Variants in GUCY2C observed in about 807,000 individuals in gnomAD.
GUCY2C encodes the protein guanylyl cyclase C.
In GUCY2C, 118 loss-of-function variants were observed where a neutral mutation model predicts 131.1. The ratio of observed to expected loss-of-function variants is 0.90; its 90% CI spans 0.78 to 1.05. The LOEUF (loss-of-function observed/expected upper bound fraction) is 1.05, where lower values mean the gene tolerates loss of function less well. GUCY2C is among the 50% of genes least tolerant of loss of function. The probability of loss-of-function intolerance (pLI) is 0.00; values close to 1 mark genes in which losing one functional copy is unlikely to be tolerated. For synonymous variants in GUCY2C, 452 were observed against 457.8 expected (o/e 0.99, Z 0.16); for missense variants, 1,161 against 1,304.4 (o/e 0.89, Z 1.69).
At chr12:14,632,354 GT>G (rs1226110538) in intron 19 of GUCY2C, among the ~76,000 whole-genome samples, 1 of 152,112 alleles carries the variant, frequency 6.6e-6, no homozygotes, top group African/African-American at 2.4e-5. Flanking sequence ...GGTTTTTATG[GT>G]TTTAGGTAAA....
intron 1 of GUCY2C, among the ~76,000 whole-genome samples, chr12:14,693,734 A>T (rs1158488165): frequency 2.6e-5 from 4 of 152,218 alleles, no homozygotes. Flanking sequence ...AGAGCTCTCC[A>T]CTTAAATGAT....
rs1565619628 is a variant in GUCY2C at position 14,651,552 on chromosome 12, T to TG, written c.1606-42dup. 3 of 1,029,786 alleles carry TG rather than the reference T, an allele frequency of 2.9e-6. No homozygotes were observed. The Admixed American group carries it at 5.5e-5, about 19-fold the overall frequency. The allele number at this position is 1,029,786 out of a possible 1,614,324, so 63.8% of individuals were successfully genotyped here. ...TGTTTACAAAGCAAATTAGGCAGAATGGGGTGCCAAAGTAAAAATTAATAT... is the reference window on the plus strand; with the variant it reads ...TGTTTACAAAGCAAATTAGGCAGAATGGGGGTGCCAAAGTAAAAATTAATAT... On this transcript the variant is annotated intron_variant, in intron 14 of 26. Transcript: ENST00000261170.
chr12:14,684,118 C>T (rs1948409855), intron 3 of GUCY2C, among the ~76,000 whole-genome samples: 2 of 152,190 alleles, frequency 1.3e-5, no homozygotes, highest in Admixed American at 1.3e-4. Flanking sequence ...TTGGCTGCTT[C>T]TCATGGCATT....
chr12:14,642,826 T>C (rs1339602395), intron 17 of GUCY2C, among the ~76,000 whole-genome samples: 1 of 152,182 alleles, frequency 6.6e-6, no homozygotes, highest in Admixed American at 6.5e-5. Flanking sequence ...ATGCTTGAAA[T>C]GGCTGTGGAT....
chr12:14,654,713 C>T (rs573108612), intron 12 of GUCY2C, among the ~76,000 whole-genome samples: 6 of 152,184 alleles, frequency 3.9e-5, no homozygotes, highest in African/African-American at 1.4e-4. Context: ...GGTTTTGAGG[C>T]AGTGGGGAGG....
chr12:14,647,575 T>C (rs919880219), intron 15 of GUCY2C, among the ~76,000 whole-genome samples: 19 of 152,150 alleles, frequency 1.2e-4, no homozygotes, highest in Non-Finnish European at 2.6e-4. Context: ...GGCTGGCAAA[T>C]TCTTGAATAA....
At chr12:14,644,437 G>A (rs1947472247) in intron 16 of GUCY2C, among the ~76,000 whole-genome samples, 1 of 152,224 alleles carries the variant, frequency 6.6e-6, no homozygotes, top group Admixed American at 6.5e-5. Context: ...GTTAGAGGGT[G>A]TCTCAGCTGA....
Position 14,683,128 on chromosome 12 carries a change from C to G in GUCY2C, c.525G>C (p.Trp175Cys). The G allele has an allele frequency of 6.2e-7, 1 of 1,613,644 alleles. No individual in the cohort carries two copies. The highest frequency in any genetic ancestry group is 8.5e-7 in the Non-Finnish European group (1 of 1,179,662). ...TTTTGAAGGGCAGATCGTTGGTTTT[C>G]CAAAAGTTAACCAAGAAGTACATCA... ...RKLMYFLVNF[W>C]KTNDLPFKTY... The change falls in exon 4 of 27, where the codon TGG (tryptophan) becomes TGC (cysteine). Residue 175 changes from tryptophan to cysteine, a missense_variant. Physicochemically the swap from Trp to Cys is radical, Grantham distance 215. Coordinates refer to ENST00000261170, the MANE Select transcript of GUCY2C (RefSeq NM_004963.4).
chr12:14,624,154 C>T (rs1328408143), intron 21 of GUCY2C, among the ~76,000 whole-genome samples: 1 of 152,008 alleles, frequency 6.6e-6, no homozygotes, highest in African/African-American at 2.4e-5. Flanking sequence ...GAAGAAAAAA[C>T]TTCTGGCCAG....
Position 14,688,037 on chromosome 12 carries a change from A to C in GUCY2C, c.244T>G (p.Phe82Val). 6.2e-7 allele frequency: 1 copy of C among 1,613,504 alleles called. No individual in the cohort carries two copies. Reference sequence around the variant, plus strand: ...TGAATCAGACCATCCGAATACATGAAAGTAGCGTTCACAGTCACATTTAGG... The same window carrying C: ...TGAATCAGACCATCCGAATACATGACAGTAGCGTTCACAGTCACATTTAGG... ...AGLNVTVNATFMYSDGLIHNS... is the reference protein window; with the variant it reads ...AGLNVTVNATVMYSDGLIHNS... Residue 82 changes from phenylalanine (F) to valine (V), a missense_variant, in exon 2 of 27, where the codon TTC becomes GTC. By Grantham distance (50) the Phe-to-Val change is conservative. Coordinates refer to ENST00000261170, the MANE Select transcript of GUCY2C (RefSeq NM_004963.4).
chr12:14,664,113 T>C (rs1300494287), intron 10 of GUCY2C, among the ~76,000 whole-genome samples: 7 of 152,202 alleles, frequency 4.6e-5, no homozygotes, highest in Non-Finnish European at 8.8e-5. Context: ...TTTGTGTTCA[T>C]GGGAAATTTT....
chr12:14,696,145 T>TG (rs1948650760), intron 1 of GUCY2C, 87 bp downstream of exon 1: 15 of 1,029,348 alleles, frequency 1.5e-5, no homozygotes, highest in Non-Finnish European at 2.1e-5. Flanking sequence ...AGTTGTGTGA[T>TG]CAAAGAACAC....
At position 14,696,520 on chromosome 12, in the gene GUCY2C, G is replaced by T; in HGVS notation, c.-72C>A. The T allele has an allele frequency of 8.4e-7, 1 of 1,186,996 alleles. No homozygotes were observed. Among genetic ancestry groups the T allele is most frequent in the Non-Finnish European group, 1.2e-6 (1 of 809,482 alleles). 73.5% of individuals were successfully genotyped at this position (1,186,996 alleles called of 1,614,324 possible). On this transcript the variant is annotated 5_prime_UTR_variant, in exon 1 of 27. Coordinates refer to ENST00000261170, the MANE Select transcript of GUCY2C (RefSeq NM_004963.4). Reference sequence around the variant, plus strand: ...CTCTGTTGGGCTCCTAGGGAGGCAGGGAATCCAGATGGACAGCCTCTAGTG... The same window carrying T: ...CTCTGTTGGGCTCCTAGGGAGGCAGTGAATCCAGATGGACAGCCTCTAGTG...
In GUCY2C at chr12:14,677,076, A is replaced by T. The variant is rs1340391630; in HGVS notation, c.831-105T>A. ...ATCATCATTGAAAATAGTTTAAAACATTTTTTTTCATTAATCTGCAAAACT... is the reference window on the plus strand; with the variant it reads ...ATCATCATTGAAAATAGTTTAAAACTTTTTTTTTCATTAATCTGCAAAACT... On this transcript the variant is annotated intron_variant, in intron 6 of 26. Coordinates refer to ENST00000261170, the MANE Select transcript of GUCY2C (RefSeq NM_004963.4). The T allele has an allele frequency of 1.5e-5, 6 of 400,006 alleles. No homozygotes were observed. In the South Asian group the frequency reaches 2.4e-4, roughly 16 times the overall value. The allele number at this position is 400,006 out of a possible 1,614,324, so 24.8% of individuals were successfully genotyped here.
At chr12:14,662,562 G>A (rs1344716184) in intron 10 of GUCY2C, among the ~76,000 whole-genome samples, 2 of 151,582 alleles carry the variant, frequency 1.3e-5, no homozygotes, top group South Asian at 2.1e-4. Flanking sequence ...TGTAATCCCA[G>A]CTATTCGGGA....
chr12:14,621,921 G>T, intron 22 of GUCY2C, 84 bp downstream of exon 22: 1 of 890,340 alleles, frequency 1.1e-6, no homozygotes, highest in Non-Finnish European at 1.7e-6. Context: ...GCGGTCAAGA[G>T]TAGTAACAGA....
rs756805059 is a variant in GUCY2C at position 14,616,669 on chromosome 12, C to T, written c.2934G>A (p.Gln978=). 1.2e-6 allele frequency: 2 copies of T among 1,605,666 alleles called. No homozygotes were observed. Among genetic ancestry groups the T allele is most frequent in the South Asian group, 2.2e-5 (2 of 90,896 alleles). Residue 978 remains glutamine (Q), a synonymous_variant, in exon 25 of 27, where the codon CAG becomes CAA. Coordinates refer to ENST00000261170, the MANE Select transcript of GUCY2C (RefSeq NM_004963.4). ...TIAILKRTEC[Q]FLYEVRGETY... ...TTTCTCCTCTCACTTCATAAAGGAA[C>T]TGGCACTCAGTTCTCTTCAGGATGG...
chr12:14,646,613 T>A (rs978705197), intron 15 of GUCY2C, among the ~76,000 whole-genome samples: 3 of 152,246 alleles, frequency 2.0e-5, no homozygotes, highest in South Asian at 4.1e-4. Context: ...TATTGCTAAT[T>A]GCACCATCTA....
rs939357884 is a variant in GUCY2C, at chr12:14,616,672, G to A, written c.2931C>T (p.Cys977=). ...STIAILKRTE[C]QFLYEVRGET... is the part of the protein sequence containing the mutation. ...CTCCTCTCACTTCATAAAGGAACTGGCACTCAGTTCTCTTCAGGATGGCTA... is the reference window on the plus strand; with the variant it reads ...CTCCTCTCACTTCATAAAGGAACTGACACTCAGTTCTCTTCAGGATGGCTA... Residue 977 remains cysteine (C), a synonymous_variant, in exon 25 of 27, where the codon TGC becomes TGT. Transcript: ENST00000261170. The A allele has an allele frequency of 6.2e-7, 1 of 1,604,688 alleles. No homozygotes were observed. The highest frequency in any genetic ancestry group is 1.7e-5 in the Admixed American group (1 of 59,978).
Sources: allele counts gnomAD v4.1 joint callset (sites outside exome capture counted in the v4.1 genomes callset), GRCh38; gene constraint gnomAD v4.1.1; transcripts MANE v1.5; gene names NCBI Gene and HGNC (gene_info 2026-07-23, HGNC 2026-07-21).